Variants in CENPK observed in about 807,000 individuals in gnomAD.
CENPK encodes SoxLZ/Sox6-binding protein Solt.
In CENPK, 46 loss-of-function variants were observed where a neutral mutation model predicts 40.9. The observed-to-expected ratio is 1.13, with a 90% CI of 0.89 to 1.44. CENPK has a LOEUF of 1.44. Ranked by LOEUF, CENPK falls within the 40% of genes most tolerant of loss-of-function variation. CENPK has a pLI of 0.00. For synonymous variants in CENPK, 107 were observed against 104.4 expected (o/e 1.02, Z -0.15); for missense variants, 288 against 303.5 (o/e 0.95, Z 0.38).
Position 65,517,834 on chromosome 5 carries a change from A to G in CENPK, c.*641T>C. The G allele has an allele frequency of 6.6e-6, 1 of 152,090 alleles. No individual in the cohort carries two copies. The highest frequency in any genetic ancestry group is 1.9e-4 in the East Asian group (1 of 5,196). 9.4% of individuals were successfully genotyped at this position (152,090 alleles called of 1,614,324 possible). ...GGATTAATAAAATGTCATGAATACA[A>G]TTTTGTTGGTAATAATTAGCAGAAT... On this transcript the variant is annotated 3_prime_UTR_variant, in exon 11 of 11. Coordinates refer to ENST00000396679, the MANE Select transcript of CENPK (RefSeq NM_022145.5).
intron 6 of CENPK, among the ~76,000 whole-genome samples, chr5:65,542,544 G>A (rs768411652): frequency 7.9e-5 from 12 of 152,030 alleles, no homozygotes; most frequent in Non-Finnish European, 1.5e-4. Flanking sequence ...GGCTGAGGCA[G>A]GAGACTCACC....
At chr5:65,531,472 C>A (rs1580948731) in intron 6 of CENPK, among the ~76,000 whole-genome samples, 1 of 149,306 alleles carries the variant, frequency 6.7e-6, no homozygotes, top group Admixed American at 6.7e-5. Context: ...GAAGCAAAAG[C>A]AGTAATCAGA....
intron 6 of CENPK, among the ~76,000 whole-genome samples, chr5:65,534,293 A>T (rs1405055117): frequency 6.6e-6 from 1 of 152,218 alleles, no homozygotes; most frequent in African/African-American, 2.4e-5. Context: ...TGTTAAAGAT[A>T]GCAATCTTCC....
chr5:65,556,471 T>C (rs1307215120), intron 2 of CENPK, among the ~76,000 whole-genome samples: 3 of 152,074 alleles, frequency 2.0e-5, no homozygotes, highest in Admixed American at 6.6e-5. Flanking sequence ...ACAAACTCTG[T>C]CTCTAAATTA....
chr5:65,528,637 A>G, intron 8 of CENPK, 59 bp from the exon 9 acceptor site: 1 of 1,414,742 alleles, frequency 7.1e-7, no homozygotes, highest in Non-Finnish European at 9.3e-7. Flanking sequence ...ACACACATGT[A>G]ACTAGTTATT....
chr5:65,521,348 T>C (rs977622949), intron 10 of CENPK, 127 bp downstream of exon 10: 8 of 651,676 alleles, frequency 1.2e-5, no homozygotes, highest in Non-Finnish European at 2.2e-5. Flanking sequence ...ATTACAAATA[T>C]ATTTAATAAA....
intron 3 of CENPK, among the ~76,000 whole-genome samples, chr5:65,554,168 C>T (rs139110821): frequency 2.0e-3 from 289 of 147,916 alleles, no homozygotes; most frequent in African/African-American, 6.9e-3. Flanking sequence ...GAGACGGAGT[C>T]TCACTCTGCT....
chr5:65,542,377 G>A (rs779518197), intron 6 of CENPK, among the ~76,000 whole-genome samples: 14 of 152,148 alleles, frequency 9.2e-5, no homozygotes, highest in Non-Finnish European at 1.6e-4. Context: ...GGTGGCTTAC[G>A]CCTGTAATCC....
chr5:65,545,350 A>G (rs920760748), intron 5 of CENPK, among the ~76,000 whole-genome samples: 1 of 144,194 alleles, frequency 6.9e-6, no homozygotes, highest in African/African-American at 2.5e-5. Context: ...ACACACACAC[A>G]CACACACACA....
chr5:65,506,702 T>C, the CENPK span, among the ~76,000 whole-genome samples: 2 of 151,996 alleles, frequency 1.3e-5, no homozygotes, highest in Admixed American at 6.6e-5. Flanking sequence ...GGAGAATCTC[T>C]TGAATCCGAT....
intron 6 of CENPK, among the ~76,000 whole-genome samples, chr5:65,538,969 A>G (rs1215871914): frequency 2.0e-5 from 3 of 152,196 alleles, no homozygotes; most frequent in Non-Finnish European, 4.4e-5. Context: ...ACTTTCTTCA[A>G]TTTTGTGGGG....
At chr5:65,560,294 G>A (rs1751737697) in intron 2 of CENPK, among the ~76,000 whole-genome samples, 1 of 151,242 alleles carries the variant, frequency 6.6e-6, no homozygotes, top group Non-Finnish European at 1.5e-5. Context: ...TTCATAAGAA[G>A]AAACCAAACA....
intron 5 of CENPK, chr5:65,550,786 G>C (rs1749853486): frequency 6.6e-6 from 1 of 152,498 alleles, no homozygotes; most frequent in South Asian, 2.1e-4. Flanking sequence ...AGATGTACTA[G>C]TGGAGTATCA....
At chr5:65,542,777 A>G (rs778565687) in intron 6 of CENPK, 25 bp downstream of exon 6, 9 of 1,568,686 alleles carry the variant, frequency 5.7e-6, no homozygotes, top group Non-Finnish European at 7.0e-6. Flanking sequence ...ATTTGGGGTC[A>G]CTACAAATTC....
At chr5:65,530,908 TCAA>T (rs1393363363) in intron 6 of CENPK, among the ~76,000 whole-genome samples, 1 of 151,786 alleles carries the variant, frequency 6.6e-6, no homozygotes, top group East Asian at 1.9e-4. Context: ...AGACCCTGCC[TCAA>T]CAACAACAAA....
At chr5:65,498,504 A>G in the CENPK span, among the ~76,000 whole-genome samples, 1 of 152,074 alleles carries the variant, frequency 6.6e-6, no homozygotes. Context: ...TGAGAATCAA[A>G]TCATATATTT....
intron 6 of CENPK, among the ~76,000 whole-genome samples, chr5:65,535,713 T>C (rs910261379): frequency 1.3e-5 from 2 of 152,176 alleles, no homozygotes; most frequent in Non-Finnish European, 2.9e-5. Context: ...CATTGTAATG[T>C]TCTCTCTCAC....
At chr5:65,506,349 CA>C in the CENPK span, among the ~76,000 whole-genome samples, 2,772 of 132,632 alleles carry the variant, frequency 0.021, 65 homozygotes, top group African/African-American at 0.062. Flanking sequence ...GAACTTATCT[CA>C]AAAAAAAAAA....
chr5:65,510,493 G>A, the CENPK span, among the ~76,000 whole-genome samples: 7 of 152,290 alleles, frequency 4.6e-5, no homozygotes, highest in Non-Finnish European at 7.4e-5. Context: ...GAAAAATGGC[G>A]TCCGGGCACG....
Sources: allele counts gnomAD v4.1 joint callset (sites outside exome capture counted in the v4.1 genomes callset), GRCh38; gene constraint gnomAD v4.1.1; transcripts MANE v1.5; gene names NCBI Gene and HGNC (gene_info 2026-07-23, HGNC 2026-07-21).